PDE4D: variants seen among roughly 807,000 people sequenced by gnomAD.
The protein encoded by PDE4D is phosphodiesterase 4D, also known as 3',5'-cyclic-AMP phosphodiesterase 4D.
PDE4D carries 24 observed loss-of-function variants against 87.4 expected under a neutral mutation model. The observed-to-expected ratio is 0.27, with a 90% confidence interval of 0.20 to 0.39. PDE4D has a LOEUF of 0.39. Among genes scored for constraint, PDE4D ranks in the 10% least tolerant of loss-of-function variants. The pLI, the probability that PDE4D is intolerant of heterozygous loss-of-function variation, is 1.00. For missense variants in PDE4D, 714 were observed against 1,041.0 expected (o/e 0.69, Z 4.32); for synonymous variants, 384 against 383.2 (o/e 1.00, Z -0.02).
At chr5:59,223,901 CAT>C (rs967729954) in intron 1 of PDE4D, among the ~76,000 whole-genome samples, 3 of 151,908 alleles carry the variant, frequency 2.0e-5, no homozygotes, top group African/African-American at 4.8e-5. Flanking sequence ...TTATACTACA[CAT>C]GTTAGCTTGT....
chr5:60,299,349 T>C (rs536245429), intron 1 of PDE4D, among the ~76,000 whole-genome samples: 1 of 152,356 alleles, frequency 6.6e-6, no homozygotes, highest in Admixed American at 6.5e-5. Context: ...TCCAATTGAC[T>C]GGCTCATAGG....
At chr5:60,222,252 G>A (rs906517793) in intron 1 of PDE4D, among the ~76,000 whole-genome samples, 9 of 151,994 alleles carry the variant, frequency 5.9e-5, no homozygotes, top group Non-Finnish European at 2.9e-5. Flanking sequence ...GAGGTCTCTG[G>A]CCAACTGTCA....
chr5:59,245,355 G>A (rs1393119719), intron 1 of PDE4D, among the ~76,000 whole-genome samples: 1 of 152,106 alleles, frequency 6.6e-6, no homozygotes. Flanking sequence ...AGTGGTCAAA[G>A]GTTCCCTAAA....
intron 3 of PDE4D, among the ~76,000 whole-genome samples, chr5:59,973,448 T>C (rs1760989481): frequency 1.3e-5 from 2 of 152,206 alleles, no homozygotes; most frequent in South Asian, 2.1e-4. Context: ...ATACTTATCA[T>C]AATAATCATT....
chr5:59,055,600 A>T (rs1025663777), intron 5 of PDE4D, among the ~76,000 whole-genome samples: 3 of 151,892 alleles, frequency 2.0e-5, no homozygotes, highest in South Asian at 4.1e-4. Flanking sequence ...CCCTCCTTCT[A>T]TTCAATTTCT....
chr5:59,656,157 A>G (rs1400104026), intron 1 of PDE4D, among the ~76,000 whole-genome samples: 1 of 152,100 alleles, frequency 6.6e-6, no homozygotes, highest in African/African-American at 2.4e-5. Flanking sequence ...CACATCCCAC[A>G]TACAGACACC....
intron 1 of PDE4D, among the ~76,000 whole-genome samples, chr5:60,256,484 T>A (rs1749065027): frequency 6.6e-6 from 1 of 151,950 alleles, no homozygotes; most frequent in Non-Finnish European, 1.5e-5. Context: ...AACTCATGTG[T>A]CCTTCAATTA....
upstream of PDE4D, chr5:59,893,740 C>T (rs574827488): frequency 4.4e-6 from 6 of 1,370,374 alleles, no homozygotes; most frequent in South Asian, 5.2e-5. Context: ...CCAGCAGAGG[C>T]TGGTGCTTAG....
At chr5:59,320,664 T>C (rs1024958437) in intron 1 of PDE4D, among the ~76,000 whole-genome samples, 1 of 152,128 alleles carries the variant, frequency 6.6e-6, no homozygotes, top group Non-Finnish European at 1.5e-5. Context: ...AGCACATTAA[T>C]ATATGACAAG....
At chr5:59,056,172 GT>G (rs1432637487) in intron 5 of PDE4D, among the ~76,000 whole-genome samples, 1 of 152,152 alleles carries the variant, frequency 6.6e-6, no homozygotes, top group Admixed American at 6.5e-5. Context: ...CACAGAAGGA[GT>G]GGATCTGGTG....
intron 1 of PDE4D, among the ~76,000 whole-genome samples, chr5:60,298,002 A>G (rs1179313078): frequency 6.6e-6 from 1 of 152,196 alleles, no homozygotes; most frequent in African/African-American, 2.4e-5. Flanking sequence ...AAAATAATGT[A>G]TTTCTCAATT....
chr5:59,399,871 C>G lies in PDE4D; in HGVS notation c.456-183903G>C, dbSNP rs1452742769. Among the ~76,000 whole-genome samples the G allele has an allele frequency of 4.4e-5, 5 of 112,526 alleles. 2 individuals are homozygous for G. The highest frequency in any genetic ancestry group is 1.9e-4 in the African/African-American group (5 of 26,702). The allele number at this position is 112,526 out of a possible 152,430, so 73.8% of individuals were successfully genotyped here. A position where few individuals can be genotyped will look rare whatever the true frequency, so the allele number is the denominator to read the frequency against. On this transcript the variant is annotated intron_variant, in intron 1 of 14. Coordinates refer to ENST00000340635, the MANE Select transcript of PDE4D (RefSeq NM_001104631.2). ...TAATATCCAGAATCTACAATGAACT[C>G]AAACAAATTTACAAGAAAAAAACAA...
At chr5:60,499,528 G>T (rs1035875973) in intron 1 of PDE4D, among the ~76,000 whole-genome samples, 3 of 152,004 alleles carry the variant, frequency 2.0e-5, no homozygotes, top group Admixed American at 6.6e-5. Context: ...GTTGGGGGCG[G>T]TTAAAAAGAA....
chr5:59,259,845 T>TTAG (rs1224950554), intron 1 of PDE4D, among the ~76,000 whole-genome samples: 5 of 151,798 alleles, frequency 3.3e-5, no homozygotes, highest in African/African-American at 4.8e-5. Context: ...ATTACTCCTA[T>TTAG]TAGTCAGAAA....
chr5:59,736,925 C>T lies in PDE4D; in HGVS notation c.455+156243G>A, dbSNP rs1342647371. 3.9e-5 allele frequency among the ~76,000 whole-genome samples: 6 copies of T among 152,162 alleles called. No homozygotes were observed. The South Asian group carries it at 1.2e-3, about 32-fold the overall frequency. On this transcript the variant is annotated intron_variant, in intron 1 of 14. Coordinates refer to ENST00000340635, the MANE Select transcript of PDE4D (RefSeq NM_001104631.2). ...GCAATTTTTGGAGGCAGTCTTCAAA[C>T]ATTTAATACAAAAGTATTACTTTGG...
chr5:60,030,840 C>T (rs1434654859), intron 2 of PDE4D: 1 of 152,080 alleles, frequency 6.6e-6, no homozygotes, highest in Non-Finnish European at 1.5e-5. Flanking sequence ...TTTGCTTTTC[C>T]GTGTAAGTTT....
At chr5:59,986,806 A>G (rs1395185729) in intron 3 of PDE4D, 1 of 152,196 alleles carries the variant, frequency 6.6e-6, no homozygotes, top group East Asian at 1.9e-4. Flanking sequence ...GGAAGTTTGT[A>G]TATCCTAGGC....
intron 1 of PDE4D, among the ~76,000 whole-genome samples, chr5:60,360,917 G>C (rs1760006199): frequency 6.6e-6 from 1 of 152,188 alleles, no homozygotes; most frequent in South Asian, 2.1e-4. Flanking sequence ...TGAATTATTA[G>C]TTGAATAAAA....
intron 2 of PDE4D, among the ~76,000 whole-genome samples, chr5:60,028,209 C>T (rs886078456): frequency 2.6e-5 from 4 of 152,126 alleles, no homozygotes; most frequent in African/African-American, 7.2e-5. Flanking sequence ...GCTCTCTTTG[C>T]CTTTTTCTTC....
Sources: allele counts gnomAD v4.1 joint callset (sites outside exome capture counted in the v4.1 genomes callset), GRCh38; gene constraint gnomAD v4.1.1; transcripts MANE v1.5; gene names NCBI Gene and HGNC (gene_info 2026-07-23, HGNC 2026-07-21).